MLIP: variants seen among roughly 807,000 people sequenced by gnomAD.
MLIP encodes the protein muscular LMNA interacting protein, also known as muscular LMNA-interacting protein.
In MLIP, 79 loss-of-function variants were observed where a neutral mutation model predicts 84.8. The observed-to-expected ratio is 0.93, with a 90% CI of 0.78 to 1.12. The LOEUF (loss-of-function observed/expected upper bound fraction) is 1.12. MLIP is among the 50% of genes most tolerant of loss of function. The probability of loss-of-function intolerance (pLI) is 0.00; values close to 1 mark genes in which losing one functional copy is unlikely to be tolerated. For synonymous variants in MLIP, 504 were observed against 463.0 expected, an observed-to-expected ratio of 1.09 and a Z score of -1.14; for missense variants, 1,257 against 1,160.6, an observed-to-expected ratio of 1.08 and a Z score of -1.21.
chr6:54,242,248 T>A (rs1306908915), intron 12 of MLIP, among the ~76,000 whole-genome samples: 1 of 152,176 alleles, frequency 6.6e-6, no homozygotes, highest in Non-Finnish European at 1.5e-5. Context: ...AGCATTCTTT[T>A]CTTAAACTCC....
chr6:54,217,920 C>T (rs1179380972), intron 11 of MLIP: 1 of 985,196 alleles, frequency 1.0e-6, no homozygotes, highest in East Asian at 1.1e-4. Context: ...GTATTAGGTA[C>T]CAACCTCAAG....
intron 1 of MLIP, among the ~76,000 whole-genome samples, chr6:54,119,607 G>A (rs978291415): frequency 2.6e-5 from 4 of 152,064 alleles, no homozygotes; most frequent in Non-Finnish European, 5.9e-5. Context: ...GAAGAAATAA[G>A]TTCACAAGAT....
At chr6:54,178,509 C>A (rs150603949) in intron 9 of MLIP, among the ~76,000 whole-genome samples, 1 of 151,974 alleles carries the variant, frequency 6.6e-6, no homozygotes, top group Admixed American at 6.6e-5. Flanking sequence ...TTAGGTTATT[C>A]AAAGTTTGTT....
chr6:54,199,422 A>T (rs1021963683), intron 10 of MLIP, among the ~76,000 whole-genome samples: 11 of 152,146 alleles, frequency 7.2e-5, no homozygotes, highest in Admixed American at 3.9e-4. Flanking sequence ...TCAGTTTTTG[A>T]TTCTATATTG....
At chr6:54,254,565 T>G (rs1782862201) in intron 12 of MLIP, among the ~76,000 whole-genome samples, 1 of 152,106 alleles carries the variant, frequency 6.6e-6, no homozygotes, top group South Asian at 2.1e-4. Context: ...GTTTTAGCAT[T>G]CAACATTTCT....
chr6:54,173,398 G>A (rs1199776110), intron 9 of MLIP, among the ~76,000 whole-genome samples: 2 of 151,698 alleles, frequency 1.3e-5, no homozygotes, highest in Admixed American at 1.3e-4. Context: ...AAACTTAGAA[G>A]GAATAATTTC....
chr6:54,260,060 C>G (rs555864977), intron 13 of MLIP, among the ~76,000 whole-genome samples: 2 of 151,958 alleles, frequency 1.3e-5, no homozygotes, highest in South Asian at 4.1e-4. Flanking sequence ...TTATTTTCCT[C>G]TTGGTTTTTC....
At chr6:54,261,253 T>A (rs79450728) in intron 13 of MLIP, among the ~76,000 whole-genome samples, 1 of 152,186 alleles carries the variant, frequency 6.6e-6, no homozygotes, top group African/African-American at 2.4e-5. Context: ...TTCTGCAGAC[T>A]TGTTTGTGAA....
chr6:54,177,986 C>G (rs1401955110), intron 9 of MLIP, among the ~76,000 whole-genome samples: 1 of 152,040 alleles, frequency 6.6e-6, no homozygotes, highest in Non-Finnish European at 1.5e-5. Context: ...TAAGTGGGAC[C>G]TGAACAATAA....
chr6:54,139,166 A>AT (rs949908749), intron 4 of MLIP, among the ~76,000 whole-genome samples: 21 of 150,450 alleles, frequency 1.4e-4, no homozygotes, highest in African/African-American at 4.5e-4. Context: ...GAAGTAAGAG[A>AT]TTTTTTTTGT....
Position 54,021,295 on chromosome 6 carries a change from T to C in MLIP, c.63+2204T>C, listed in dbSNP as rs1403921792. Among the ~76,000 whole-genome samples the C allele has an allele frequency of 2.6e-5, 4 of 152,188 alleles. No homozygotes were observed. In the East Asian group the frequency reaches 7.7e-4, roughly 29 times the overall value. ...GGTTTTTAAAAGAAGAAAATATTTT[T>C]TCCATTAAAATATTTAAATATGTGT... On this transcript the variant is annotated intron_variant, in intron 1 of 12. Transcript: ENST00000274897.
At chr6:54,244,448 T>A (rs1308570315) in intron 12 of MLIP, among the ~76,000 whole-genome samples, 1 of 152,200 alleles carries the variant, frequency 6.6e-6, no homozygotes, top group African/African-American at 2.4e-5. Flanking sequence ...CGAATGAATG[T>A]GTTTAATTCA....
At chr6:54,158,874 A>T (rs1190987684) in intron 5 of MLIP, among the ~76,000 whole-genome samples, 1 of 137,276 alleles carries the variant, frequency 7.3e-6, no homozygotes, top group African/African-American at 3.2e-5. Context: ...AGTATGATAA[A>T]AAAAAAAAAT....
intron 1 of MLIP, among the ~76,000 whole-genome samples, chr6:54,074,247 G>C (rs140947729): frequency 9.2e-5 from 14 of 152,284 alleles, no homozygotes; most frequent in Admixed American, 2.0e-4. Context: ...ACTTCTGAGT[G>C]CTCAGCCCTG....
At chr6:54,238,304 A>T (rs909310740) in intron 12 of MLIP, among the ~76,000 whole-genome samples, 1 of 152,048 alleles carries the variant, frequency 6.6e-6, no homozygotes, top group Non-Finnish European at 1.5e-5. Context: ...TCTTTCCTCC[A>T]TTCACCCCTT....
chr6:54,102,423 C>T (rs1768721245), intron 1 of MLIP, among the ~76,000 whole-genome samples: 2 of 152,188 alleles, frequency 1.3e-5, no homozygotes, highest in Middle Eastern at 3.4e-3. Context: ...GTGATCTAGA[C>T]CAGAGATGCT....
chr6:54,023,251 T>G (rs562357220), intron 1 of MLIP, among the ~76,000 whole-genome samples: 1 of 151,658 alleles, frequency 6.6e-6, no homozygotes, highest in Admixed American at 6.6e-5. Context: ...CTTGGTACAA[T>G]CAAATCAACA....
chr6:54,261,628 A>T (rs1783399631), intron 13 of MLIP: 1 of 985,100 alleles, frequency 1.0e-6, no homozygotes. Flanking sequence ...TTTATTTTGA[A>T]TTTCAGAACC....
intron 3 of MLIP, among the ~76,000 whole-genome samples, chr6:54,133,000 TGATTGGCAAGAGAG>T (rs1771513051): frequency 6.6e-6 from 1 of 152,154 alleles, no homozygotes; most frequent in African/African-American, 2.4e-5. Context: ...TTTGCTAAGT[TGATTGGCAAGAGAG>T]GATTGGCAAG....
Sources: gnomAD v4.1 joint callset for allele counts (sites outside exome capture counted in the v4.1 genomes callset) on GRCh38, gnomAD v4.1.1 for gene constraint, MANE v1.5 for transcripts, NCBI Gene and HGNC (gene_info 2026-07-23, HGNC 2026-07-21) for gene names.